Variants in FAM53A observed in about 807,000 individuals in gnomAD.
FAM53A encodes the protein family with sequence similarity 53 member A.
In FAM53A, 28 loss-of-function variants were observed where a neutral mutation model predicts 26.6. The observed-to-expected ratio is 1.05, with a 90% CI of 0.78 to 1.45. FAM53A has a LOEUF of 1.45. Among genes scored for constraint, FAM53A ranks in the 40% most tolerant of loss-of-function variants. FAM53A has a pLI of 0.00. For synonymous variants in FAM53A, 290 were observed against 253.1 expected (o/e 1.15, Z -1.38); for missense variants, 650 against 575.8 (o/e 1.13, Z -1.32).
the FAM53A span, among the ~76,000 whole-genome samples, chr4:1,584,437 T>C: frequency 6.6e-6 from 1 of 152,268 alleles, no homozygotes. Flanking sequence ...GCAGTTACTA[T>C]TTCTGCATAA....
At chr4:1,608,310 C>A in the FAM53A span, among the ~76,000 whole-genome samples, 1 of 152,138 alleles carries the variant, frequency 6.6e-6, no homozygotes, top group East Asian at 1.9e-4. Context: ...AACCTCCAGA[C>A]CTCCGTGTAA....
At chr4:1,654,564 C>G (rs1713148969) in intron 4 of FAM53A, among the ~76,000 whole-genome samples, 1 of 152,260 alleles carries the variant, frequency 6.6e-6, no homozygotes, top group Non-Finnish European at 1.5e-5. Flanking sequence ...GGACCCCGGG[C>G]TCTGCCTCGA....
At chr4:1,591,620 G>C in the FAM53A span, among the ~76,000 whole-genome samples, 4 of 152,226 alleles carry the variant, frequency 2.6e-5, no homozygotes, top group East Asian at 7.7e-4. Context: ...CAAAGGAATA[G>C]GTAGGTCCTG....
chr4:1,682,787 T>TA (rs879736063), intron 1 of FAM53A, among the ~76,000 whole-genome samples: 87 of 144,152 alleles, frequency 6.0e-4, no homozygotes, highest in African/African-American at 1.5e-3. Flanking sequence ...ATGCATGCAC[T>TA]AAAAAAAAAA....
chr4:1,599,113 C>G, the FAM53A span, among the ~76,000 whole-genome samples: 1 of 152,040 alleles, frequency 6.6e-6, no homozygotes, highest in Admixed American at 6.5e-5. The surrounding 1 kb of genome is among the most constrained non-coding windows in gnomAD (Gnocchi z 6.1). Flanking sequence ...TCGGCTCCAA[C>G]CCCGCCTGGT....
intron 4 of FAM53A, among the ~76,000 whole-genome samples, chr4:1,647,072 T>G (rs898918297): frequency 6.6e-6 from 1 of 152,136 alleles, no homozygotes; most frequent in South Asian, 2.1e-4. Flanking sequence ...TGGTGGCTTA[T>G]GCCTGTAATC....
chr4:1,653,765 C>T (rs961939616), intron 4 of FAM53A, among the ~76,000 whole-genome samples: 9 of 152,370 alleles, frequency 5.9e-5, no homozygotes, highest in Middle Eastern at 6.8e-3. Flanking sequence ...GCAAAGCTCA[C>T]GGTGCCCTCA....
At chr4:1,651,890 G>A (rs116587993) in intron 4 of FAM53A, among the ~76,000 whole-genome samples, 3,032 of 152,004 alleles carry the variant, frequency 0.02, 53 homozygotes, top group Non-Finnish European at 0.029. Flanking sequence ...CACGGCTCCA[G>A]TTCCCACACA....
Position 1,655,158 on chromosome 4 carries a change from A to G in FAM53A, c.702T>C (p.Thr234=), listed in dbSNP as rs778410478. The G allele has an allele frequency of 9.8e-5, 154 of 1,579,286 alleles. 2 individuals are homozygous for G. In the Admixed American group the frequency reaches 2.7e-3, roughly 28 times the overall value. Residue 234 remains threonine, a synonymous_variant, in exon 4 of 5, where the codon ACT becomes ACC. Coordinates refer to ENST00000308132, the MANE Select transcript of FAM53A (RefSeq NM_001174070.3). ...GGCTGCTGCTGGCCCAGGGCAGGGG[A>G]GTGCCCGCACCCGCGAGTCGCTCCT... ...LSQERLAGAG[T]PLPWASSSPT...
intron 1 of FAM53A, among the ~76,000 whole-genome samples, chr4:1,620,673 AAAAAAG>A (rs1428635389): frequency 6.6e-6 from 1 of 150,704 alleles, no homozygotes; most frequent in Non-Finnish European, 1.5e-5. Context: ...GTCTCACAAA[AAAAAAG>A]AAAAAGAAAG....
At chr4:1,675,603 C>T (rs1209862149) in intron 1 of FAM53A, among the ~76,000 whole-genome samples, 2 of 152,204 alleles carry the variant, frequency 1.3e-5, no homozygotes, top group Non-Finnish European at 2.9e-5. Flanking sequence ...GTTTCCCTGC[C>T]TCTCGTTCCA....
At chr4:1,673,197 C>T (rs993477814) in intron 1 of FAM53A, among the ~76,000 whole-genome samples, 5 of 152,210 alleles carry the variant, frequency 3.3e-5, no homozygotes, top group Admixed American at 3.3e-4. Flanking sequence ...AGGCCCTGCC[C>T]AGACTGGAGG....
chr4:1,639,129 G>A (rs1210346608), downstream of FAM53A, among the ~76,000 whole-genome samples: 6 of 152,176 alleles, frequency 3.9e-5, no homozygotes, highest in Admixed American at 6.5e-5. Context: ...CACCATGCCA[G>A]CCCCACAGCC....
chr4:1,624,703 T>C (rs2108753371), intron 1 of FAM53A, among the ~76,000 whole-genome samples: 1 of 152,282 alleles, frequency 6.6e-6, no homozygotes, highest in South Asian at 2.1e-4. Context: ...CGGGTCTGGC[T>C]GAGAAGGCAC....
the FAM53A span, among the ~76,000 whole-genome samples, chr4:1,608,505 G>T: frequency 6.6e-6 from 1 of 152,248 alleles, no homozygotes; most frequent in South Asian, 2.1e-4. Flanking sequence ...TGTCCCAGGG[G>T]CCTGTCCTGC....
At chr4:1,610,634 G>A in the FAM53A span, among the ~76,000 whole-genome samples, 481 of 141,514 alleles carry the variant, frequency 3.4e-3, 3 homozygotes, top group African/African-American at 0.011. Flanking sequence ...CTGGGCTTGG[G>A]AGGGATTCCG....
rs577532408 is a variant in FAM53A at position 1,681,158 on chromosome 4, G to A, written c.-165+3075C>T. Reference sequence around the variant, plus strand: ...GCTGCCCAGGCTGAAGTGCAACGGCGCGATCTCAGCTCACTGCAACCTCAG... The same window carrying A: ...GCTGCCCAGGCTGAAGTGCAACGGCACGATCTCAGCTCACTGCAACCTCAG... On this transcript the variant is annotated intron_variant, in intron 1 of 4. Transcript: ENST00000308132. 3.6e-3 allele frequency among the ~76,000 whole-genome samples: 553 copies of A among 152,210 alleles called. 2 individuals are homozygous for A. Among genetic ancestry groups the A allele is most frequent in the Non-Finnish European group, 5.9e-3 (403 of 67,996 alleles).
chr4:1,652,730 A>G (rs567626952), intron 4 of FAM53A, among the ~76,000 whole-genome samples: 5 of 143,888 alleles, frequency 3.5e-5, no homozygotes, highest in African/African-American at 1.3e-4. Context: ...ACACTACCAG[A>G]GACCACACAC....
At chr4:1,617,008 G>A (rs151007925), downstream of FAM53A, among the ~76,000 whole-genome samples, 470 of 144,248 alleles carry the variant, frequency 3.3e-3, 37 homozygotes, top group African/African-American at 0.013. Flanking sequence ...ACGGTGGTAC[G>A]TGTCTGTTGT....
Sources: allele counts gnomAD v4.1 joint callset (sites outside exome capture counted in the v4.1 genomes callset), GRCh38; gene constraint gnomAD v4.1.1; non-coding constraint Gnocchi (gnomAD v3.1); transcripts MANE v1.5; gene names NCBI Gene and HGNC (gene_info 2026-07-23, HGNC 2026-07-21).